MTUS1: variants seen among roughly 807,000 people sequenced by gnomAD.
The protein encoded by MTUS1 is microtubule associated scaffold protein 1.
MTUS1 carries 109 observed loss-of-function variants against 120.8 expected under a neutral mutation model. The observed-to-expected ratio is 0.90, with a 90% CI of 0.77 to 1.06. The LOEUF (loss-of-function observed/expected upper bound fraction) is 1.06. Ranked by LOEUF, MTUS1 falls within the 50% of genes least tolerant of loss-of-function variation. The probability of loss-of-function intolerance (pLI) is 0.00; values close to 1 mark genes in which losing one functional copy is unlikely to be tolerated. For missense variants in MTUS1, 2,210 were observed against 1,486.3 expected (o/e 1.49, Z -8.01); for synonymous variants, 737 against 550.5 (o/e 1.34, Z -4.74).
chr8:17,682,376 G>A lies in MTUS1; in HGVS notation c.2838+1952C>T, dbSNP rs1033481462. ...ACTAGAAAATTACAAAAACTAGTCG[G>A]GCATGGTGGCGGGTGCCTGTAATCC... On this transcript the variant is annotated intron_variant, in intron 7 of 14. Coordinates refer to ENST00000693296, the MANE Select transcript of MTUS1 (RefSeq NM_001363059.2). Among the ~76,000 whole-genome samples the A allele has an allele frequency of 2.0e-5, 3 of 152,034 alleles. No homozygotes were observed. The South Asian group carries it at 6.3e-4, about 32-fold the overall frequency.
At chr8:17,767,675 G>C (rs1454815598) in intron 1 of MTUS1, among the ~76,000 whole-genome samples, 3 of 108,156 alleles carry the variant, frequency 2.8e-5, no homozygotes, top group Admixed American at 9.6e-5. Flanking sequence ...CTCCAGCCTG[G>C]GTGATAGAGC....
intron 13 of MTUS1, among the ~76,000 whole-genome samples, chr8:17,647,905 C>A (rs1264719958): frequency 2.6e-5 from 4 of 152,192 alleles, no homozygotes; most frequent in African/African-American, 7.2e-5. Context: ...GACTAACGCG[C>A]TTTGAGTATG....
At position 17,784,318 on chromosome 8, in the gene MTUS1, G is replaced by T. The variant is rs138711103; in HGVS notation, c.-155+16743C>A. 2.4e-3 allele frequency among the ~76,000 whole-genome samples: 246 copies of T among 104,388 alleles called. 1 individual carries two copies. The Admixed American group carries it at 0.024, about 10-fold the overall frequency. 68.5% of individuals were successfully genotyped at this position (104,388 alleles called of 152,430 possible). A position where few individuals can be genotyped will look rare whatever the true frequency, so the allele number is the denominator to read the frequency against. On this transcript the variant is annotated intron_variant, in intron 1 of 14. Transcript: ENST00000693296. ...CTGTTTTTTTTTTTTTTTTTGAGAT[G>T]GAATTTCACTCTTGTTGCCCAGGCT...
intron 8 of MTUS1, among the ~76,000 whole-genome samples, chr8:17,672,189 T>C (rs556368471): frequency 3.3e-5 from 5 of 152,294 alleles, no homozygotes; most frequent in African/African-American, 9.6e-5. Context: ...GCATAGATGA[T>C]GCCCTCACAA....
At chr8:17,725,537 C>T (rs1268686785) in intron 3 of MTUS1, among the ~76,000 whole-genome samples, 1 of 152,156 alleles carries the variant, frequency 6.6e-6, no homozygotes, top group Non-Finnish European at 1.5e-5. Context: ...GCTCTTCTTC[C>T]ACCCTTTGAA....
At chr8:17,749,652 T>C (rs1231526460) in intron 2 of MTUS1, among the ~76,000 whole-genome samples, 1 of 133,060 alleles carries the variant, frequency 7.5e-6, no homozygotes, top group Non-Finnish European at 1.6e-5. Context: ...CAACAGAGAA[T>C]CTGTCTCAAA....
chr8:17,790,100 G>A (rs1356868062), intron 1 of MTUS1, among the ~76,000 whole-genome samples: 1 of 152,144 alleles, frequency 6.6e-6, no homozygotes, highest in African/African-American at 2.4e-5. Context: ...TGTAATCCCA[G>A]CACTTTGGGA....
At chr8:17,669,432 G>C (rs1811557427) in intron 8 of MTUS1, among the ~76,000 whole-genome samples, 1 of 152,206 alleles carries the variant, frequency 6.6e-6, no homozygotes, top group Non-Finnish European at 1.5e-5. Flanking sequence ...AAAGGGGAAA[G>C]AGTGCCTAGA....
At chr8:17,779,091 C>A (rs1414551124) in intron 1 of MTUS1, among the ~76,000 whole-genome samples, 1 of 152,154 alleles carries the variant, frequency 6.6e-6, no homozygotes, top group Non-Finnish European at 1.5e-5. Flanking sequence ...AGGAAGGCCT[C>A]TCTGAACAAG....
In MTUS1 at chr8:17,754,783, G is replaced by T; in HGVS notation, c.1025C>A (p.Ser342Tyr). ...EMGQNLRETV[S>Y]YCLIDDECPL... The stretch of plus-strand genomic sequence containing the variant: ...GCATTCATCATCAATAAGACAATAG[G>T]ACACTGTCTCTCTCAGATTTTGGCC... The change falls in exon 2 of 15, where the codon TCC becomes TAC. Residue 342 changes from serine (S) to tyrosine (Y), a missense_variant. Ser to Tyr is a moderately radical substitution (Grantham distance 144). Transcript: ENST00000693296. The T allele has an allele frequency of 3.1e-6, 5 of 1,614,176 alleles. No homozygotes were observed. The highest frequency in any genetic ancestry group is 4.2e-6 in the Non-Finnish European group (5 of 1,179,994).
In MTUS1 at chr8:17,747,500, GC is replaced by G. The variant is rs568406368; in HGVS notation, c.2092-3702del. 1.3e-3 allele frequency among the ~76,000 whole-genome samples: 195 copies of G among 152,248 alleles called. 1 individual carries two copies. The highest frequency in any genetic ancestry group is 4.6e-3 in the African/African-American group (191 of 41,540). ...GCAGAGAAATTCTAGGCAGACGGGG[GC>G]AGGTCCCCAGCAAAACCCCACCTTC... On this transcript the variant is annotated intron_variant, in intron 2 of 14. Coordinates refer to ENST00000693296, the MANE Select transcript of MTUS1 (RefSeq NM_001363059.2).
chr8:17,791,355 A>G (rs1449048483), intron 1 of MTUS1, among the ~76,000 whole-genome samples: 1 of 152,234 alleles, frequency 6.6e-6, no homozygotes, highest in Non-Finnish European at 1.5e-5. Context: ...TTATATTTAA[A>G]TACTGTATAT....
rs367560273 is a variant in MTUS1, at chr8:17,709,746, C to T, written c.2623+3468G>A. The stretch of plus-strand genomic sequence containing the variant: ...TTAATTTGCCAGGCGTGGTGGCTCA[C>T]ACCTGTAATCCCATCAGTTTGGGAG... On this transcript the variant is annotated intron_variant, in intron 6 of 14. Coordinates refer to ENST00000693296, the MANE Select transcript of MTUS1 (RefSeq NM_001363059.2). Among the ~76,000 whole-genome samples the T allele has an allele frequency of 3.6e-4, 55 of 152,190 alleles. No homozygotes were observed. In the South Asian group the frequency reaches 0.011, roughly 31 times the overall value.
intron 1 of MTUS1, among the ~76,000 whole-genome samples, chr8:17,790,205 A>C (rs939769115): frequency 3.3e-5 from 5 of 152,092 alleles, no homozygotes; most frequent in Non-Finnish European, 7.4e-5. Flanking sequence ...AAAATTAGCC[A>C]GACATGATGG....
intron 6 of MTUS1, among the ~76,000 whole-genome samples, chr8:17,707,597 A>C (rs1820427687): frequency 6.6e-6 from 1 of 152,198 alleles, no homozygotes; most frequent in Non-Finnish European, 1.5e-5. Flanking sequence ...TTATTAGATT[A>C]CATTCCTAAA....
chr8:17,714,974 C>T (rs1399496547), intron 5 of MTUS1, among the ~76,000 whole-genome samples: 25 of 133,538 alleles, frequency 1.9e-4, no homozygotes, highest in Middle Eastern at 4.8e-3. Context: ...GGCGCGATCT[C>T]GGCTCACTGC....
intron 6 of MTUS1, among the ~76,000 whole-genome samples, chr8:17,689,474 A>G (rs1480304359): frequency 6.6e-6 from 1 of 152,156 alleles, no homozygotes; most frequent in Non-Finnish European, 1.5e-5. Context: ...CGCTTATAAA[A>G]TTTTTCCTGA....
At chr8:17,690,577 G>T (rs1170854947) in intron 6 of MTUS1, among the ~76,000 whole-genome samples, 2 of 152,050 alleles carry the variant, frequency 1.3e-5, no homozygotes, top group African/African-American at 2.4e-5. Context: ...TCTTATAACA[G>T]AAATGAAAAT....
intron 8 of MTUS1, among the ~76,000 whole-genome samples, chr8:17,666,090 CTTT>C (rs57062684): frequency 0.065 from 7,197 of 110,936 alleles, 230 homozygotes; most frequent in Non-Finnish European, 0.081. Flanking sequence ...AGAACAGATG[CTTT>C]TTTTTTTTTT....
Sources: gnomAD v4.1 joint callset for allele counts (sites outside exome capture counted in the v4.1 genomes callset) on GRCh38, gnomAD v4.1.1 for gene constraint, MANE v1.5 for transcripts, NCBI Gene and HGNC (gene_info 2026-07-23, HGNC 2026-07-21) for gene names.